Variants in ESRRB observed in about 807,000 individuals in gnomAD.
ESRRB encodes the protein steroid hormone receptor ERR2.
A neutral mutation model predicts 46.0 loss-of-function variants in ESRRB; 16 were observed. The observed-to-expected ratio is 0.35, with a 90% CI of 0.24 to 0.53. The LOEUF is 0.53. Ranked by LOEUF, ESRRB falls within the 20% of genes least tolerant of loss-of-function variation. The probability of loss-of-function intolerance (pLI) is 0.93; values close to 1 mark genes in which losing one functional copy is unlikely to be tolerated. For missense variants in ESRRB, 488 were observed against 607.4 expected (o/e 0.80, Z 2.07); for synonymous variants, 246 against 259.6 (o/e 0.95, Z 0.50).
At chr14:76,351,491 G>T (rs1435433887) in intron 1 of ESRRB, among the ~76,000 whole-genome samples, 2 of 152,180 alleles carry the variant, frequency 1.3e-5, no homozygotes, top group Non-Finnish European at 2.9e-5. Context: ...AGGGCCACTG[G>T]TTGCATTGGG....
chr14:76,323,615 T>G (rs1883893944), intron 1 of ESRRB, among the ~76,000 whole-genome samples: 1 of 152,206 alleles, frequency 6.6e-6, no homozygotes. Flanking sequence ...TGGTCTGGTC[T>G]TTCTTTTCAT....
intron 1 of ESRRB, among the ~76,000 whole-genome samples, chr14:76,316,082 G>A (rs1883796543): frequency 6.6e-6 from 1 of 152,208 alleles, no homozygotes; most frequent in South Asian, 2.1e-4. Flanking sequence ...AGTCCTGGCT[G>A]TGCAACCAAC....
At chr14:76,460,638 CAG>C (rs2139986488) in intron 2 of ESRRB, among the ~76,000 whole-genome samples, 1 of 152,164 alleles carries the variant, frequency 6.6e-6, no homozygotes, top group East Asian at 1.9e-4. Context: ...CACTTTGGGA[CAG>C]GAGTCGAAGA....
chr14:76,429,292 A>G (rs1267764167), intron 1 of ESRRB, among the ~76,000 whole-genome samples: 1 of 152,164 alleles, frequency 6.6e-6, no homozygotes, highest in African/African-American at 2.4e-5. Context: ...TCTGAAAGTC[A>G]CCAGGGTAGT....
chr14:76,358,404 AAAG>A (rs201588864), intron 1 of ESRRB, among the ~76,000 whole-genome samples: 6 of 132,050 alleles, frequency 4.5e-5, no homozygotes, highest in Non-Finnish European at 6.6e-5. Flanking sequence ...AGAAAGAAAG[AAAG>A]AAAGAAAAGA....
chr14:76,314,455 C>T (rs1245221652), intron 1 of ESRRB, among the ~76,000 whole-genome samples: 1 of 152,148 alleles, frequency 6.6e-6, no homozygotes, highest in Non-Finnish European at 1.5e-5. Flanking sequence ...TTGCTAGCAG[C>T]TAGGGAGCTC....
chr14:76,452,204 T>G (rs1023558226), intron 2 of ESRRB, among the ~76,000 whole-genome samples: 3 of 151,822 alleles, frequency 2.0e-5, no homozygotes, highest in Non-Finnish European at 4.4e-5. Flanking sequence ...CCTCCCGAAG[T>G]GCTGGGATTA....
intron 1 of ESRRB, among the ~76,000 whole-genome samples, chr14:76,352,342 G>T (rs1361292032): frequency 1.3e-5 from 2 of 152,190 alleles, no homozygotes; most frequent in African/African-American, 4.8e-5. Context: ...CCTGTTGGCG[G>T]CCACTGAGCA....
At chr14:76,355,261 T>C (rs950186579) in intron 1 of ESRRB, among the ~76,000 whole-genome samples, 2 of 152,128 alleles carry the variant, frequency 1.3e-5, no homozygotes, top group African/African-American at 4.8e-5. Context: ...GGGATGCTGC[T>C]CTATAGGGCA....
chr14:76,478,090 A>G (rs535738317), intron 3 of ESRRB, among the ~76,000 whole-genome samples: 44 of 152,360 alleles, frequency 2.9e-4, no homozygotes, highest in African/African-American at 9.4e-4. Flanking sequence ...GCTGGGGAAC[A>G]GTAATAATAA....
At chr14:76,382,251 G>T (rs1022539825) in intron 1 of ESRRB, among the ~76,000 whole-genome samples, 4 of 152,206 alleles carry the variant, frequency 2.6e-5, no homozygotes, top group African/African-American at 9.7e-5. Context: ...CCTGCTGACT[G>T]CTATACCCCT....
chr14:76,494,040 C>G (rs962631252), intron 6 of ESRRB, among the ~76,000 whole-genome samples: 3 of 152,222 alleles, frequency 2.0e-5, no homozygotes, highest in Non-Finnish European at 2.9e-5. Flanking sequence ...CACTTCCTTT[C>G]TCCTGAACAC....
At chr14:76,431,169 C>T (rs1887426674) in intron 1 of ESRRB, among the ~76,000 whole-genome samples, 1 of 152,180 alleles carries the variant, frequency 6.6e-6, no homozygotes, top group Non-Finnish European at 1.5e-5. Context: ...GGGGCACACG[C>T]CTGTAGTTCC....
At chr14:76,487,893 G>A (rs1221441826) in intron 5 of ESRRB, among the ~76,000 whole-genome samples, 3 of 152,200 alleles carry the variant, frequency 2.0e-5, no homozygotes, top group Admixed American at 6.5e-5. Flanking sequence ...GTGAGCCACC[G>A]TGCCTGGCCA....
chr14:76,499,715 G>A lies in ESRRB; in HGVS notation c.*1257G>A, dbSNP rs1044910700. The A allele has an allele frequency of 3.1e-5, 23 of 747,972 alleles. No individual in the cohort carries two copies. Among genetic ancestry groups the A allele is most frequent in the South Asian group, 5.9e-5 (4 of 68,264 alleles). 46.3% of individuals were successfully genotyped at this position (747,972 alleles called of 1,614,324 possible). A position where few individuals can be genotyped will look rare whatever the true frequency, so the allele number is the denominator to read the frequency against. ...CCCTGGCTGTGCCAGGTAACCAACC[G>A]TCTTGGTTTGTCCAGGACGTTTCTT... On this transcript the variant is annotated 3_prime_UTR_variant, in exon 7 of 7. Transcript: ENST00000644823.
intron 2 of ESRRB, among the ~76,000 whole-genome samples, chr14:76,445,304 T>C (rs138042808): frequency 0.016 from 2,354 of 150,148 alleles, 35 homozygotes; most frequent in Admixed American, 0.053. Context: ...ACCCCGTCTC[T>C]ACTAAAAAAT....
intron 1 of ESRRB, among the ~76,000 whole-genome samples, chr14:76,350,290 T>C (rs1013267717): frequency 6.6e-6 from 1 of 152,250 alleles, no homozygotes; most frequent in African/African-American, 2.4e-5. Flanking sequence ...GGGCGGACCA[T>C]GTGCCTAGCT....
intron 3 of ESRRB, among the ~76,000 whole-genome samples, chr14:76,466,679 G>A (rs1889123798): frequency 6.6e-6 from 1 of 151,802 alleles, no homozygotes. Context: ...GATGGCCTGT[G>A]TTCTGCCCCT....
chr14:76,468,454 A>C (rs1208744059), intron 3 of ESRRB, among the ~76,000 whole-genome samples: 1 of 133,008 alleles, frequency 7.5e-6, no homozygotes, highest in African/African-American at 2.8e-5. Flanking sequence ...AGCTCACAGG[A>C]TCTTCCCAGG....
Sources: gnomAD v4.1 joint callset for allele counts (sites outside exome capture counted in the v4.1 genomes callset) on GRCh38, gnomAD v4.1.1 for gene constraint, MANE v1.5 for transcripts, NCBI Gene and HGNC (gene_info 2026-07-23, HGNC 2026-07-21) for gene names.